Variants in CADPS2 observed in about 807,000 individuals in gnomAD.
The protein encoded by CADPS2 is calcium-dependent secretion activator 2.
CADPS2 carries 93 observed loss-of-function variants against 172.5 expected under a neutral mutation model. That is an observed-to-expected ratio of 0.54 (90% CI 0.46 to 0.64). The LOEUF (loss-of-function observed/expected upper bound fraction) is 0.64. Among genes scored for constraint, CADPS2 ranks in the 30% least tolerant of loss-of-function variants. CADPS2 has a pLI of 0.00. For synonymous variants in CADPS2, 546 were observed against 555.2 expected (o/e 0.98, Z 0.23); for missense variants, 1,420 against 1,565.9 (o/e 0.91, Z 1.57).
intron 6 of CADPS2, among the ~76,000 whole-genome samples, chr7:122,591,962 G>A (rs992026257): frequency 6.6e-6 from 1 of 151,924 alleles, no homozygotes; most frequent in African/African-American, 2.4e-5. Flanking sequence ...AAAAGCAATG[G>A]CAACAAAAGA....
At chr7:122,682,011 T>G (rs1432783796) in intron 2 of CADPS2, among the ~76,000 whole-genome samples, 1 of 152,172 alleles carries the variant, frequency 6.6e-6, no homozygotes, top group African/African-American at 2.4e-5. Flanking sequence ...TTTTTTCTTC[T>G]AATATCAGCT....
intron 9 of CADPS2, among the ~76,000 whole-genome samples, chr7:122,493,990 A>T (rs746298719): frequency 6.6e-6 from 1 of 152,240 alleles, no homozygotes. Context: ...GTATCCAGTT[A>T]TTTAATCAAA....
chr7:122,857,822 GTTC>G (rs1474771376), intron 1 of CADPS2, among the ~76,000 whole-genome samples: 1 of 152,150 alleles, frequency 6.6e-6, no homozygotes, highest in African/African-American at 2.4e-5. Flanking sequence ...GAGTGTTACA[GTTC>G]TTAAGGATGG....
intron 2 of CADPS2, among the ~76,000 whole-genome samples, chr7:122,675,512 C>T (rs1280209119): frequency 2.0e-5 from 3 of 152,168 alleles, no homozygotes; most frequent in Admixed American, 2.0e-4. Context: ...TCCAGTCTAT[C>T]ACTGATGGGC....
intron 1 of CADPS2, among the ~76,000 whole-genome samples, chr7:122,842,330 A>G (rs1810785273): frequency 6.6e-6 from 1 of 152,190 alleles, no homozygotes; most frequent in African/African-American, 2.4e-5. Flanking sequence ...GCAAATGAAA[A>G]AAATCTGGTA....
intron 7 of CADPS2, among the ~76,000 whole-genome samples, chr7:122,567,981 G>A (rs62474633): frequency 6.6e-6 from 1 of 152,058 alleles, no homozygotes; most frequent in Non-Finnish European, 1.5e-5. Flanking sequence ...CAGTTAAAAG[G>A]CAGAGGTGTG....
chr7:122,663,356 T>C lies in CADPS2; in HGVS notation c.667A>G (p.Arg223Gly). The C allele has an allele frequency of 6.2e-7, 1 of 1,613,994 alleles. No homozygotes were observed. ...GEEDLCKQPN[R>G]MALSAVSELI... is the part of the protein sequence containing the mutation. Reference sequence around the variant, plus strand: ...TCAGACACTGCACTTAGGGCCATTCTATTTGGCTGTTTGCACAAGTCCTCT... The same window carrying C: ...TCAGACACTGCACTTAGGGCCATTCCATTTGGCTGTTTGCACAAGTCCTCT... Residue 223 changes from arginine to glycine, a missense_variant, in exon 3 of 30, where the codon AGA (arginine) becomes GGA (glycine). Arg to Gly is a moderately radical substitution (Grantham distance 125, BLOSUM62 -2). Transcript: ENST00000449022.
chr7:122,615,319 A>C lies in CADPS2; in HGVS notation c.1105-20T>G, dbSNP rs1227083060. 2 of 1,417,908 alleles carry C rather than the reference A, an allele frequency of 1.4e-6. No homozygotes were observed. Among genetic ancestry groups the C allele is most frequent in the Admixed American group, 2.0e-5 (1 of 49,932 alleles). 87.8% of individuals were successfully genotyped at this position (1,417,908 alleles called of 1,614,324 possible). On this transcript the variant is annotated intron_variant, in intron 5 of 29. Transcript: ENST00000449022. ...GACAATCTAAAGATAAAATGATTTT[A>C]AAATAATGCATCAAGTTGATAACAT...
intron 7 of CADPS2, among the ~76,000 whole-genome samples, chr7:122,560,497 G>T (rs2065619188): frequency 6.6e-6 from 1 of 152,166 alleles, no homozygotes; most frequent in Admixed American, 6.5e-5. Context: ...GTGACTCAAT[G>T]ATCAGGTTTC....
At chr7:122,483,535 TACATGTACATA>T (rs2057506141) in intron 11 of CADPS2, among the ~76,000 whole-genome samples, 1 of 152,258 alleles carries the variant, frequency 6.6e-6, no homozygotes, top group East Asian at 1.9e-4. Flanking sequence ...AATGGTAATG[TACATGTACATA>T]ACATGTACAT....
chr7:122,844,441 CAT>C (rs367755841), intron 1 of CADPS2, among the ~76,000 whole-genome samples: 161 of 152,254 alleles, frequency 1.1e-3, no homozygotes, highest in African/African-American at 3.4e-3. Flanking sequence ...ACCTAAACGA[CAT>C]ATCTTTTCAA....
At chr7:122,633,252 G>A (rs2076749180) in intron 3 of CADPS2, among the ~76,000 whole-genome samples, 1 of 152,054 alleles carries the variant, frequency 6.6e-6, no homozygotes. Context: ...ATTTTGATAG[G>A]GATAGCACTG....
intron 3 of CADPS2, among the ~76,000 whole-genome samples, chr7:122,633,382 T>C (rs964430156): frequency 1.3e-5 from 2 of 152,196 alleles, no homozygotes; most frequent in African/African-American, 4.8e-5. Flanking sequence ...AGCAGTGTTG[T>C]GTAGTTCTGC....
intron 6 of CADPS2, among the ~76,000 whole-genome samples, chr7:122,588,396 A>C (rs2070140521): frequency 6.6e-6 from 1 of 152,048 alleles, no homozygotes. Context: ...GAAGGGGTCC[A>C]GTTTCAATTT....
chr7:122,470,434 ATATG>A (rs2055767402), intron 14 of CADPS2, among the ~76,000 whole-genome samples: 2 of 152,258 alleles, frequency 1.3e-5, no homozygotes, highest in South Asian at 4.1e-4. Context: ...CATTCATCAA[ATATG>A]TATTGAGCAA....
chr7:122,563,267 C>G (rs939420423), intron 7 of CADPS2, among the ~76,000 whole-genome samples: 1 of 152,092 alleles, frequency 6.6e-6, no homozygotes, highest in Non-Finnish European at 1.5e-5. Context: ...AATAGCATAA[C>G]CTTTACATTA....
chr7:122,334,928 C>T (rs2035603936), intron 28 of CADPS2, among the ~76,000 whole-genome samples: 1 of 152,170 alleles, frequency 6.6e-6, no homozygotes, highest in Non-Finnish European at 1.5e-5. Context: ...TATTCCCAGC[C>T]TCTAGCAAAG....
chr7:122,487,419 G>T (rs1416152258), intron 11 of CADPS2, among the ~76,000 whole-genome samples: 1 of 151,998 alleles, frequency 6.6e-6, no homozygotes, highest in Non-Finnish European at 1.5e-5. Flanking sequence ...TATCTCCTAG[G>T]TATGCCTGTA....
chr7:122,481,173 T>A (rs1326578416), intron 11 of CADPS2, among the ~76,000 whole-genome samples: 1 of 146,830 alleles, frequency 6.8e-6, no homozygotes, highest in Admixed American at 6.8e-5. Context: ...TTTTTTTTTT[T>A]TTTTTTTTTT....
Sources: allele counts gnomAD v4.1 joint callset (sites outside exome capture counted in the v4.1 genomes callset), GRCh38; gene constraint gnomAD v4.1.1; transcripts MANE v1.5; gene names NCBI Gene and HGNC (gene_info 2026-07-23, HGNC 2026-07-21).